GPSM1: variants seen among roughly 807,000 people sequenced by gnomAD.
GPSM1 encodes the protein G protein signaling modulator 1.
GPSM1 carries 48 observed loss-of-function variants against 70.5 expected under a neutral mutation model. The ratio of observed to expected loss-of-function variants is 0.68; its 90% CI spans 0.54 to 0.87. The LOEUF (loss-of-function observed/expected upper bound fraction) is 0.87, where lower values mean the gene tolerates loss of function less well. Ranked by LOEUF, GPSM1 falls within the 40% of genes least tolerant of loss-of-function variation. GPSM1 has a pLI of 0.00. For missense variants in GPSM1, 981 were observed against 972.6 expected (o/e 1.01, Z -0.11); for synonymous variants, 416 against 430.1 (o/e 0.97, Z 0.41).
intron 5 of GPSM1, 56 bp from the exon 6 acceptor site, chr9:136,337,790 C>A: frequency 7.3e-7 from 1 of 1,374,134 alleles, no homozygotes; most frequent in South Asian, 1.2e-5. Flanking sequence ...CCTGTCCGCC[C>A]ACGTCAGGCC....
chr9:136,355,684 C>A lies in GPSM1; in HGVS notation c.1456-6C>A. The A allele has an allele frequency of 6.2e-7, 1 of 1,611,348 alleles. No individual in the cohort carries two copies. The highest frequency in any genetic ancestry group is 8.5e-7 in the Non-Finnish European group (1 of 1,179,008). On this transcript the variant is annotated splice_region_variant and splice_polypyrimidine_tract_variant and intron_variant, in intron 11 of 13. Transcript: ENST00000440944. ...TTTGGCTGCGGTGACCCCACTCCCTCCCCAGAGCATCCCGAGGGCCCCGTC... is the reference window on the plus strand; with the variant it reads ...TTTGGCTGCGGTGACCCCACTCCCTACCCAGAGCATCCCGAGGGCCCCGTC...
At chr9:136,329,952 G>C (rs1484858581) in intron 1 of GPSM1, among the ~76,000 whole-genome samples, 6 of 151,336 alleles carry the variant, frequency 4.0e-5, no homozygotes, top group Non-Finnish European at 7.4e-5. Flanking sequence ...CGGTGGGGAC[G>C]GGCCCTTGGG....
intron 9 of GPSM1, among the ~76,000 whole-genome samples, chr9:136,344,423 T>A (rs768604347): frequency 6.6e-6 from 1 of 152,196 alleles, no homozygotes; most frequent in Non-Finnish European, 1.5e-5. Context: ...GGGTGCTGTG[T>A]GCTCGGGTGC....
chr9:136,355,640 G>C, intron 11 of GPSM1, 50 bp from the exon 12 acceptor site: 1 of 1,575,212 alleles, frequency 6.3e-7, no homozygotes. Context: ...GGTCTCGTCT[G>C]GGGGTCTGCG....
intron 1 of GPSM1, among the ~76,000 whole-genome samples, chr9:136,329,825 T>G (rs574647331): frequency 8.2e-5 from 11 of 134,564 alleles, no homozygotes; most frequent in African/African-American, 3.2e-4. Context: ...GGGTTCTGGG[T>G]CGGTGGGGAC....
At chr9:136,354,327 G>A (rs897530910) in intron 11 of GPSM1, among the ~76,000 whole-genome samples, 7 of 152,198 alleles carry the variant, frequency 4.6e-5, no homozygotes, top group African/African-American at 9.7e-5. Context: ...GAAGCAGGAC[G>A]GGAGCCCTAG....
At chr9:136,346,481 A>G (rs1286483074) in intron 9 of GPSM1, among the ~76,000 whole-genome samples, 6 of 152,134 alleles carry the variant, frequency 3.9e-5, no homozygotes, top group Non-Finnish European at 8.8e-5. Context: ...CATAGGTAGC[A>G]CCTTGCTGTC....
Position 136,355,756 on chromosome 9 carries a change from A to C in GPSM1, c.1522A>C (p.Ser508Arg). Reference protein sequence around the residue: ...FFDLLTKFQSSRMDDQRCPLD... With the variant: ...FFDLLTKFQSRRMDDQRCPLD... ...TGACCTGTTGACCAAGTTCCAGAGCAGCCGCATGGACGACCAGCGTTGTCC... is the reference window on the plus strand; with the variant it reads ...TGACCTGTTGACCAAGTTCCAGAGCCGCCGCATGGACGACCAGCGTTGTCC... The change falls in exon 12 of 14, where the codon AGC becomes CGC. Residue 508 changes from serine (S) to arginine (R), a missense_variant. Physicochemically the swap from Ser to Arg is moderately radical, Grantham distance 110. Transcript: ENST00000440944. 1 of 1,612,354 alleles carries C rather than the reference A, an allele frequency of 6.2e-7. No individual in the cohort carries two copies. Among genetic ancestry groups the C allele is most frequent in the Non-Finnish European group, 8.5e-7 (1 of 1,179,488 alleles).
At chr9:136,329,423 G>A (rs1427316200) in intron 1 of GPSM1, among the ~76,000 whole-genome samples, 1 of 152,252 alleles carries the variant, frequency 6.6e-6, no homozygotes, top group Non-Finnish European at 1.5e-5. Context: ...GGCCAGACGG[G>A]AGGGCCCTTT....
chr9:136,335,534 C>T (rs1203671115), intron 2 of GPSM1, among the ~76,000 whole-genome samples: 3 of 152,208 alleles, frequency 2.0e-5, no homozygotes, highest in African/African-American at 4.8e-5. Context: ...ACCTGCTCCT[C>T]AGCACCCAGC....
rs569962693 is a variant in GPSM1 at position 136,340,569 on chromosome 9, G to A, written c.1084-301G>A. ...GGGGCTGAGAGAGGTGCAGCCGGGC[G>A]GGGCCGGGCCCCTCGCGCACCGGAG... On this transcript the variant is annotated intron_variant, in intron 8 of 13. Transcript: ENST00000440944. This position sits in a 1 kb window ranked among gnomAD's most constrained non-coding sequence, Gnocchi z 7.3. Among the ~76,000 whole-genome samples the A allele has an allele frequency of 5.3e-5, 8 of 152,018 alleles. No homozygotes were observed. Among genetic ancestry groups the A allele is most frequent in the African/African-American group, 1.7e-4 (7 of 41,370 alleles).
At chr9:136,355,495 G>A (rs1380938034) in intron 11 of GPSM1, 195 bp from the exon 12 acceptor site, 4 of 316,524 alleles carry the variant, frequency 1.3e-5, no homozygotes, top group South Asian at 1.2e-4. Context: ...TGGGTGACAC[G>A]TCCTGGGGGA....
intron 11 of GPSM1, among the ~76,000 whole-genome samples, 181 bp downstream of exon 11, chr9:136,349,944 C>T (rs1375645135): frequency 2.6e-5 from 4 of 152,200 alleles, no homozygotes; most frequent in African/African-American, 9.6e-5. Context: ...CTGGGCAGGG[C>T]TCAGTGTTTA....
rs565574516 is a variant in GPSM1 at position 136,343,030 on chromosome 9, G to T, written c.1207+2037G>T. Among the ~76,000 whole-genome samples the T allele has an allele frequency of 2.6e-5, 4 of 152,238 alleles. No homozygotes were observed. The East Asian group carries it at 7.7e-4, about 29-fold the overall frequency. On this transcript the variant is annotated intron_variant, in intron 9 of 13. Coordinates refer to ENST00000440944, the MANE Select transcript of GPSM1 (RefSeq NM_001145638.3). This position sits in a 1 kb window ranked among gnomAD's most constrained non-coding sequence, Gnocchi z 6.0. The stretch of plus-strand genomic sequence containing the variant: ...CTTACGTGCGGCTGGAGGACAAAGA[G>T]CCTTGGCGCGGCTCAGTCAGCGTAT...
At chr9:136,350,003 C>T (rs1554771824) in intron 11 of GPSM1, among the ~76,000 whole-genome samples, 1 of 152,230 alleles carries the variant, frequency 6.6e-6, no homozygotes, top group African/African-American at 2.4e-5. Flanking sequence ...CGAGGAGCCT[C>T]CTGGGGACTC....
intron 10 of GPSM1, among the ~76,000 whole-genome samples, chr9:136,349,221 G>A (rs539466675): frequency 2.6e-5 from 4 of 152,282 alleles, no homozygotes; most frequent in African/African-American, 9.6e-5. Context: ...AGTGGGTGCT[G>A]TGTGGCCTGG....
intron 11 of GPSM1, chr9:136,353,220 G>A: frequency 1.9e-6 from 1 of 531,960 alleles, no homozygotes; most frequent in Non-Finnish European, 2.4e-6. Flanking sequence ...CCTCTGTGAA[G>A]CCGGGTGGGG....
At chr9:136,354,851 C>T (rs933224929) in intron 11 of GPSM1, 43 of 1,000,876 alleles carry the variant, frequency 4.3e-5, no homozygotes, top group Non-Finnish European at 4.5e-5. Flanking sequence ...AGGGCTGACA[C>T]AGGGTGTGGT....
chr9:136,337,843 C>T lies in GPSM1; in HGVS notation c.703-3C>T. 6.2e-7 allele frequency: 1 copy of T among 1,605,458 alleles called. No homozygotes were observed. Among genetic ancestry groups the T allele is most frequent in the African/African-American group, 1.3e-5 (1 of 74,910 alleles). ...CCACCTGGCCTCCGGTGTGTCTCCG[C>T]AGCGCCTGGCCATTGCTAAGGAGTT... On this transcript the variant is annotated splice_polypyrimidine_tract_variant and splice_region_variant and intron_variant, in intron 5 of 13. Coordinates refer to ENST00000440944, the MANE Select transcript of GPSM1 (RefSeq NM_001145638.3).
Sources: gnomAD v4.1 joint callset for allele counts (sites outside exome capture counted in the v4.1 genomes callset) on GRCh38, gnomAD v4.1.1 for gene constraint, Gnocchi (gnomAD v3.1) non-coding constraint, MANE v1.5 for transcripts, NCBI Gene and HGNC (gene_info 2026-07-23, HGNC 2026-07-21) for gene names.